PARVG: variants seen among roughly 807,000 people sequenced by gnomAD.
PARVG encodes gamma-parvin.
In PARVG, 36 loss-of-function variants were observed where a neutral mutation model predicts 44.4. That is an observed-to-expected ratio of 0.81 (90% CI 0.62 to 1.07). The LOEUF is 1.07. Among genes scored for constraint, PARVG ranks in the 50% least tolerant of loss-of-function variants. PARVG has a pLI of 0.00. For synonymous variants in PARVG, 170 were observed against 174.1 expected (o/e 0.98, Z 0.19); for missense variants, 407 against 407.4 (o/e 1.00, Z 0.01).
intron 8 of PARVG, 118 bp from the exon 9 acceptor site, chr22:44,193,683 A>C: frequency 7.5e-7 from 1 of 1,326,720 alleles, no homozygotes; most frequent in Non-Finnish European, 1.0e-6. Flanking sequence ...GGAAAACCAC[A>C]AGCATGCCAG....
chr22:44,193,442 G>A (rs1247553749), intron 8 of PARVG, among the ~76,000 whole-genome samples: 1 of 152,118 alleles, frequency 6.6e-6, no homozygotes. Context: ...CATGTAAGTG[G>A]GGGTGATCAC....
Position 44,182,015 on chromosome 22 carries a change from G to A in PARVG, c.-13+98G>A. ...GGAAGGATCCCAGAGTGCAGTCCCAGCCCAGGCCACCCGGGGAAGGGAGTC... is the reference window on the plus strand; with the variant it reads ...GGAAGGATCCCAGAGTGCAGTCCCAACCCAGGCCACCCGGGGAAGGGAGTC... On this transcript the variant is annotated intron_variant, in intron 2 of 13. Transcript: ENST00000444313. The surrounding 1 kb of genome is among the most constrained non-coding windows in gnomAD (Gnocchi z 4.6). 1 of 937,474 alleles carries A rather than the reference G, an allele frequency of 1.1e-6. No individual in the cohort carries two copies. 58.1% of individuals were successfully genotyped at this position (937,474 alleles called of 1,614,324 possible). A position where few individuals can be genotyped will look rare whatever the true frequency, so the allele number is the denominator to read the frequency against.
chr22:44,182,022 C>A lies in PARVG; in HGVS notation c.-13+105C>A. 1.1e-6 allele frequency: 1 copy of A among 913,304 alleles called. No individual in the cohort carries two copies. The highest frequency in any genetic ancestry group is 1.3e-6 in the Non-Finnish European group (1 of 764,180). 56.6% of individuals were successfully genotyped at this position (913,304 alleles called of 1,614,324 possible). On this transcript the variant is annotated intron_variant, in intron 2 of 13. Transcript: ENST00000444313. This position sits in a 1 kb window ranked among gnomAD's most constrained non-coding sequence, Gnocchi z 4.6. ...TCCCAGAGTGCAGTCCCAGCCCAGG[C>A]CACCCGGGGAAGGGAGTCGGTAAAG...
At chr22:44,177,374 A>G (rs1381659782), upstream of PARVG, among the ~76,000 whole-genome samples, 3 of 152,210 alleles carry the variant, frequency 2.0e-5, no homozygotes, top group Admixed American at 6.5e-5. Flanking sequence ...ACATTGATAC[A>G]ATGGCATTGT....
chr22:44,203,669 A>G (rs533943131), intron 12 of PARVG, among the ~76,000 whole-genome samples: 96 of 152,364 alleles, frequency 6.3e-4, no homozygotes, highest in African/African-American at 2.2e-3. Flanking sequence ...AATGCGAACA[A>G]TAGCAACAAT....
Position 44,182,511 on chromosome 22 carries a change from G to A in PARVG, c.-13+594G>A, listed in dbSNP as rs1036853961. On this transcript the variant is annotated intron_variant, in intron 2 of 13. Coordinates refer to ENST00000444313, the MANE Select transcript of PARVG (RefSeq NM_022141.7). This position sits in a 1 kb window ranked among gnomAD's most constrained non-coding sequence, Gnocchi z 4.6. Reference sequence around the variant, plus strand: ...TGCTGGTGTGACATGGGTGGCTCCAGTCGAGTGAATGCCTCCGTCTCCCAC... The same window carrying A: ...TGCTGGTGTGACATGGGTGGCTCCAATCGAGTGAATGCCTCCGTCTCCCAC... 1.4e-4 allele frequency among the ~76,000 whole-genome samples: 21 copies of A among 152,148 alleles called. No homozygotes were observed. The highest frequency in any genetic ancestry group is 5.1e-4 in the African/African-American group (21 of 41,448).
At chr22:44,196,082 A>G (rs2054612935) in intron 9 of PARVG, 73 bp from the exon 10 acceptor site, 6 of 1,422,102 alleles carry the variant, frequency 4.2e-6, no homozygotes, top group African/African-American at 1.4e-5. Flanking sequence ...AACTTTTGTG[A>G]AAAAAAAAAT....
intron 12 of PARVG, 33 bp from the exon 13 acceptor site, chr22:44,205,724 G>A (rs760899692): frequency 1.2e-6 from 2 of 1,612,764 alleles, no homozygotes; most frequent in Non-Finnish European, 8.5e-7. Flanking sequence ...GCTGCTGCTT[G>A]TGCCCACATC....
Position 44,189,178 on chromosome 22 carries a change from C to T in PARVG, c.312C>T (p.His104=), listed in dbSNP as rs1408490450. The T allele has an allele frequency of 5.0e-6, 8 of 1,614,246 alleles. No individual in the cohort carries two copies. Among genetic ancestry groups the T allele is most frequent in the East Asian group, 2.2e-5 (1 of 44,882 alleles). The change falls in exon 6 of 14, where the codon CAC becomes CAT. Residue 104 remains histidine (H), a synonymous_variant. Transcript: ENST00000444313. ...DIALTATSQK[H]KLTVVLEAVN... ...CCCTGACAGCCACAAGCCAGAAGCACAAGCTCACAGTGGTGCTGGAGGCCG... is the reference window on the plus strand; with the variant it reads ...CCCTGACAGCCACAAGCCAGAAGCATAAGCTCACAGTGGTGCTGGAGGCCG...
At position 44,183,393 on chromosome 22, in the gene PARVG, G is replaced by A. The variant is rs758834129; in HGVS notation, c.64G>A (p.Glu22Lys). 1 of 1,605,698 alleles carries A rather than the reference G, an allele frequency of 6.2e-7. No individual in the cohort carries two copies. Among genetic ancestry groups the A allele is most frequent in the East Asian group, 2.2e-5 (1 of 44,610 alleles). The part of the protein sequence containing the change: ...LPKGVEPPAE[E>K]ELSKGGKKKY... ...CAAGGGGGTGGAGCCCCCAGCGGAG[G>A]AGGAGCTCTCAAAAGGTGTGTGCCC... The change falls in exon 3 of 14, where the codon GAG becomes AAG. Residue 22 changes from glutamate (E) to lysine (K), a missense_variant. Physicochemically the swap from Glu to Lys is moderately conservative, Grantham distance 56 (BLOSUM62 1). Transcript: ENST00000444313.
At position 44,206,500 on chromosome 22, in the gene PARVG, C is replaced by A; in HGVS notation, c.*74C>A. 2 of 1,302,988 alleles carry A rather than the reference C, an allele frequency of 1.5e-6. No individual in the cohort carries two copies. Among genetic ancestry groups the A allele is most frequent in the Non-Finnish European group, 2.2e-6 (2 of 900,410 alleles). The allele number at this position is 1,302,988 out of a possible 1,614,324, so 80.7% of individuals were successfully genotyped here. On this transcript the variant is annotated 3_prime_UTR_variant, in exon 14 of 14. Transcript: ENST00000444313. ...GGCCCGAGGCTGCAGGGTGTCCTCC[C>A]ACAGTCCCGCTGTTTCCTGTGCATT... is the stretch of plus-strand genomic sequence containing the variant.
intron 7 of PARVG, among the ~76,000 whole-genome samples, 188 bp downstream of exon 7, chr22:44,190,854 G>A (rs2054538447): frequency 6.6e-6 from 1 of 152,220 alleles, no homozygotes; most frequent in South Asian, 2.1e-4. Context: ...GGGCTGGTAA[G>A]GGTCTAGTGG....
chr22:44,175,437 C>T (rs2054310035), intron 1 of PARVG, among the ~76,000 whole-genome samples: 1 of 152,268 alleles, frequency 6.6e-6, no homozygotes, highest in African/African-American at 2.4e-5. Context: ...CAGGGACGGG[C>T]ATCTCTGTTC....
chr22:44,173,125 G>A, exon 1 of PARVG: 2 of 1,288,878 alleles, frequency 1.6e-6, no homozygotes, highest in Non-Finnish European at 2.0e-6. Flanking sequence ...TGGGGGATGG[G>A]ACTTTGGGAA....
In PARVG at chr22:44,196,433, G is replaced by A. The variant is rs768552010; in HGVS notation, c.711+18G>A. ...ACACCCAGGTAGGGACTGAGCTGCGGCGTCCCCAGGCAGGGCAGGGCCACT... is the reference window on the plus strand; with the variant it reads ...ACACCCAGGTAGGGACTGAGCTGCGACGTCCCCAGGCAGGGCAGGGCCACT... On this transcript the variant is annotated intron_variant, in intron 11 of 13. Transcript: ENST00000444313. 2 of 1,613,882 alleles carry A rather than the reference G, an allele frequency of 1.2e-6. No homozygotes were observed. The highest frequency in any genetic ancestry group is 1.7e-5 in the Admixed American group (1 of 60,024).
rs531503440 is a variant in PARVG at position 44,193,271 on chromosome 22, A to C, written c.561-530A>C. ...GTTCAAAAACAATAAAAATGGAGTG[A>C]AAGAAGCCAGACCCAAAAGAGGACA... On this transcript the variant is annotated intron_variant, in intron 8 of 13. Transcript: ENST00000444313. Among the ~76,000 whole-genome samples the C allele has an allele frequency of 2.1e-3, 319 of 152,340 alleles. 1 individual carries two copies. The highest frequency in any genetic ancestry group is 7.6e-3 in the African/African-American group (315 of 41,568).
Position 44,206,312 on chromosome 22 carries a change from C to A in PARVG, c.887-5C>A. On this transcript the variant is annotated splice_polypyrimidine_tract_variant and splice_region_variant and intron_variant, in intron 13 of 13. Coordinates refer to ENST00000444313, the MANE Select transcript of PARVG (RefSeq NM_022141.7). ...CTGGCTGCCCTGCCCTCCTTTGGCCCGCAGATATCGTGAACAAGGATGCCA... is the reference window on the plus strand; with the variant it reads ...CTGGCTGCCCTGCCCTCCTTTGGCCAGCAGATATCGTGAACAAGGATGCCA... The A allele has an allele frequency of 6.2e-7, 1 of 1,610,168 alleles. No homozygotes were observed. Among genetic ancestry groups the A allele is most frequent in the Non-Finnish European group, 8.5e-7 (1 of 1,176,816 alleles).
At chr22:44,199,270 T>C (rs1371187978) in intron 12 of PARVG, among the ~76,000 whole-genome samples, 1 of 151,976 alleles carries the variant, frequency 6.6e-6, no homozygotes. Context: ...TCTATATGTC[T>C]GTCTGTCCAT....
At chr22:44,176,586 A>AT (rs139113), upstream of PARVG, among the ~76,000 whole-genome samples, 129 of 149,394 alleles carry the variant, frequency 8.6e-4, no homozygotes, top group African/African-American at 1.7e-3. Flanking sequence ...AACACATTGG[A>AT]TTTTTTTTTT....
Sources: gnomAD v4.1 joint callset for allele counts (sites outside exome capture counted in the v4.1 genomes callset) on GRCh38, gnomAD v4.1.1 for gene constraint, Gnocchi (gnomAD v3.1) non-coding constraint, MANE v1.5 for transcripts, NCBI Gene and HGNC (gene_info 2026-07-23, HGNC 2026-07-21) for gene names.